Variants in SLC4A4 observed in about 807,000 individuals in gnomAD.
SLC4A4 encodes the protein electrogenic sodium bicarbonate cotransporter 1.
SLC4A4 carries 27 observed loss-of-function variants against 111.5 expected under a neutral mutation model. That is an observed-to-expected ratio of 0.24 (90% CI 0.18 to 0.33). SLC4A4 has a LOEUF of 0.33. Among genes scored for constraint, SLC4A4 ranks in the 10% least tolerant of loss-of-function variants. The pLI is 1.00. For synonymous variants in SLC4A4, 443 were observed against 463.4 expected (o/e 0.96, Z 0.57); for missense variants, 909 against 1,315.5 (o/e 0.69, Z 4.78).
chr4:71,395,319 A>G (rs1300804467), intron 6 of SLC4A4, among the ~76,000 whole-genome samples: 2 of 152,176 alleles, frequency 1.3e-5, no homozygotes, highest in African/African-American at 4.8e-5. Context: ...AGTGTTGACT[A>G]GCAGACTCTT....
At chr4:71,399,404 G>A (rs182598794) in intron 7 of SLC4A4, among the ~76,000 whole-genome samples, 4 of 151,254 alleles carry the variant, frequency 2.6e-5, no homozygotes, top group Admixed American at 2.0e-4. Context: ...GTACGGGAAG[G>A]GTGTACATTC....
intron 2 of SLC4A4, among the ~76,000 whole-genome samples, chr4:71,103,394 T>C (rs1742817697): frequency 6.6e-6 from 1 of 152,068 alleles, no homozygotes; most frequent in South Asian, 2.1e-4. Flanking sequence ...TACCCAGCAA[T>C]TGAACTCAGC....
At chr4:71,159,701 A>G (rs1053061895) in intron 2 of SLC4A4, among the ~76,000 whole-genome samples, 1 of 152,150 alleles carries the variant, frequency 6.6e-6, no homozygotes, top group Non-Finnish European at 1.5e-5. Context: ...ATTCTTAAAA[A>G]TGGAGTTGCT....
intron 1 of SLC4A4, among the ~76,000 whole-genome samples, chr4:71,235,435 G>A (rs1260384643): frequency 6.6e-6 from 1 of 152,198 alleles, no homozygotes; most frequent in Admixed American, 6.5e-5. Context: ...TGGATGAATA[G>A]AATACAGAAT....
intron 2 of SLC4A4, among the ~76,000 whole-genome samples, chr4:71,108,298 C>G (rs554134046): frequency 6.6e-6 from 1 of 152,156 alleles, no homozygotes; most frequent in Non-Finnish European, 1.5e-5. Flanking sequence ...TCATTTCAAC[C>G]TAGAGGACTC....
chr4:71,366,315 TTGTG>T (rs71673473), intron 6 of SLC4A4, among the ~76,000 whole-genome samples: 3,606 of 137,964 alleles, frequency 0.026, 130 homozygotes, highest in East Asian at 0.092. Flanking sequence ...TCTGGAGATA[TTGTG>T]TGTGTGTGTG....
intron 6 of SLC4A4, among the ~76,000 whole-genome samples, chr4:71,391,392 A>G (rs1719244827): frequency 6.6e-6 from 1 of 152,108 alleles, no homozygotes; most frequent in African/African-American, 2.4e-5. Context: ...TTACATTAAT[A>G]TGTACACATT....
At chr4:71,207,043 T>A (rs890453586) in intron 1 of SLC4A4, among the ~76,000 whole-genome samples, 1 of 152,166 alleles carries the variant, frequency 6.6e-6, no homozygotes, top group Admixed American at 6.5e-5. Flanking sequence ...GTACTAGTAA[T>A]CTTATAAGGT....
At chr4:71,265,382 G>A (rs1328238152) in intron 3 of SLC4A4, among the ~76,000 whole-genome samples, 2 of 152,130 alleles carry the variant, frequency 1.3e-5, no homozygotes, top group African/African-American at 2.4e-5. Flanking sequence ...AATAACAATT[G>A]AGTTTTAAAA....
intron 3 of SLC4A4, among the ~76,000 whole-genome samples, chr4:71,298,263 A>G (rs1282648765): frequency 2.6e-5 from 4 of 152,206 alleles, no homozygotes; most frequent in African/African-American, 9.7e-5. Context: ...TGGGTCATCA[A>G]AAGGTATATT....
At chr4:71,283,926 G>A (rs1056929089) in intron 3 of SLC4A4, among the ~76,000 whole-genome samples, 3 of 152,156 alleles carry the variant, frequency 2.0e-5, no homozygotes, top group African/African-American at 4.8e-5. Context: ...TGCTAAATGA[G>A]GAGAGTGAAC....
chr4:71,448,605 C>T (rs143818206), intron 9 of SLC4A4, among the ~76,000 whole-genome samples: 14 of 152,216 alleles, frequency 9.2e-5, no homozygotes, highest in African/African-American at 3.1e-4. Flanking sequence ...GGAATTATGA[C>T]CCCATTTATT....
chr4:71,443,083 A>C (rs1192335548), intron 8 of SLC4A4, among the ~76,000 whole-genome samples: 2 of 31,448 alleles, frequency 6.4e-5, no homozygotes, highest in Admixed American at 4.2e-4. Context: ...AGAGGCCACT[A>C]CTCTCTCTCT....
intron 7 of SLC4A4, among the ~76,000 whole-genome samples, chr4:71,423,523 G>A (rs1239476691): frequency 5.9e-5 from 9 of 152,036 alleles, no homozygotes; most frequent in Non-Finnish European, 8.8e-5. Context: ...AAAAGAGCCC[G>A]CATCGCCAAG....
At chr4:71,465,181 T>C (rs1277916050) in intron 12 of SLC4A4, among the ~76,000 whole-genome samples, 1 of 152,070 alleles carries the variant, frequency 6.6e-6, no homozygotes, top group African/African-American at 2.4e-5. Context: ...TCTAACAACA[T>C]GTAATTTATT....
At position 71,571,132 on chromosome 4, in the gene SLC4A4, G is replaced by T. The variant is rs1009352248; in HGVS notation, c.*3381G>T. 1 of 152,114 alleles carries T rather than the reference G, an allele frequency of 6.6e-6. No homozygotes were observed. The highest frequency in any genetic ancestry group is 6.6e-5 in the Admixed American group (1 of 15,170). The allele number at this position is 152,114 out of a possible 1,614,324, so 9.4% of individuals were successfully genotyped here. ...GAATGATTGTCTTCCGAGTTTTTTG[G>T]TTCCTTTTTTAACTGTGTTAAAGTA... On this transcript the variant is annotated 3_prime_UTR_variant, in exon 26 of 26. Coordinates refer to ENST00000264485, the MANE Select transcript of SLC4A4 (RefSeq NM_001098484.3).
chr4:71,265,608 A>G (rs1043121851), intron 3 of SLC4A4, among the ~76,000 whole-genome samples: 2 of 152,172 alleles, frequency 1.3e-5, no homozygotes, highest in Non-Finnish European at 1.5e-5. Context: ...AGAGCTCTCT[A>G]TAACTTAATA....
intron 1 of SLC4A4, chr4:71,233,363 A>C: frequency 2.1e-6 from 2 of 959,178 alleles, no homozygotes; most frequent in Non-Finnish European, 2.5e-6. Context: ...TCATGACCAA[A>C]GTGCTTTTTA....
At position 71,467,896 on chromosome 4, in the gene SLC4A4, T is replaced by C. The variant is rs949112946; in HGVS notation, c.1631+1319T>C. 6.6e-5 allele frequency among the ~76,000 whole-genome samples: 10 copies of C among 152,212 alleles called. No homozygotes were observed. The South Asian group carries it at 1.4e-3, about 22-fold the overall frequency. ...CTCCTTGTTGGCATTCCCATAGTCATATTGTTATACATTTTTAGGATTTTA... is the reference window on the plus strand; with the variant it reads ...CTCCTTGTTGGCATTCCCATAGTCACATTGTTATACATTTTTAGGATTTTA... On this transcript the variant is annotated intron_variant, in intron 13 of 25. Coordinates refer to ENST00000264485, the MANE Select transcript of SLC4A4 (RefSeq NM_001098484.3).
Sources: allele counts gnomAD v4.1 joint callset (sites outside exome capture counted in the v4.1 genomes callset), GRCh38; gene constraint gnomAD v4.1.1; transcripts MANE v1.5; gene names NCBI Gene and HGNC (gene_info 2026-07-23, HGNC 2026-07-21).